The following PKHD1 variants were observed in gnomAD, a reference collection of about 807,000 sequenced individuals.
PKHD1 encodes fibrocystin.
In PKHD1, 291 loss-of-function variants were observed where a neutral mutation model predicts 412.0. The observed-to-expected ratio is 0.71, with a 90% CI of 0.64 to 0.78. The LOEUF is 0.78. PKHD1 is among the 30% of genes least tolerant of loss of function. The probability of loss-of-function intolerance (pLI) is 0.00; values close to 1 mark genes in which losing one functional copy is unlikely to be tolerated. For missense variants in PKHD1, 4,825 were observed against 4,950.7 expected (o/e 0.97, Z 0.76); for synonymous variants, 1,777 against 1,821.5 (o/e 0.98, Z 0.62).
chr6:52,038,389 A>C (rs1430608559), intron 27 of PKHD1, among the ~76,000 whole-genome samples: 1 of 151,628 alleles, frequency 6.6e-6, no homozygotes, highest in African/African-American at 2.4e-5. Flanking sequence ...AAAAAAAAAA[A>C]AGTTGGCAGG....
chr6:51,866,043 T>C (rs1035749638), intron 48 of PKHD1, among the ~76,000 whole-genome samples: 4 of 145,824 alleles, frequency 2.7e-5, no homozygotes, highest in Non-Finnish European at 4.5e-5. Context: ...AAAAAATCCC[T>C]GGTGCTGCTG....
chr6:51,989,059 G>A (rs975321380), intron 35 of PKHD1, among the ~76,000 whole-genome samples: 2 of 152,194 alleles, frequency 1.3e-5, no homozygotes, highest in African/African-American at 4.8e-5. Context: ...GCTTTTGGAA[G>A]CGATATCTTT....
intron 35 of PKHD1, among the ~76,000 whole-genome samples, chr6:51,989,914 AGG>A: frequency 1.0e-5 from 1 of 99,850 alleles, no homozygotes; most frequent in African/African-American, 3.9e-5. Flanking sequence ...GAAGGAAGGA[AGG>A]AAGGAAGGAA....
chr6:51,825,901 A>G (rs190595131), intron 52 of PKHD1, among the ~76,000 whole-genome samples: 1 of 152,064 alleles, frequency 6.6e-6, no homozygotes, highest in East Asian at 1.9e-4. Context: ...TGTCCCATCC[A>G]AAAGGTACAA....
chr6:51,859,864 C>T (rs1481776780), intron 48 of PKHD1, among the ~76,000 whole-genome samples: 2 of 152,166 alleles, frequency 1.3e-5, no homozygotes, highest in Non-Finnish European at 2.9e-5. Context: ...TTCTATTTGT[C>T]TTTGGAAACA....
At position 52,054,175 on chromosome 6, in the gene PKHD1, C is replaced by T. The variant is rs749163934; in HGVS notation, c.1837-10G>A. On this transcript the variant is annotated splice_polypyrimidine_tract_variant and intron_variant, in intron 19 of 66. Transcript: ENST00000371117. Reference sequence around the variant, plus strand: ...TGTATGCAAGACACAGCTATGGACACCAAATAAGTCCTTCAGTTCTATTAG... The same window carrying T: ...TGTATGCAAGACACAGCTATGGACATCAAATAAGTCCTTCAGTTCTATTAG... The T allele has an allele frequency of 3.5e-5, 56 of 1,613,208 alleles. No individual in the cohort carries two copies. The highest frequency in any genetic ancestry group is 1.6e-4 in the Middle Eastern group (1 of 6,084).
Position 52,028,387 on chromosome 6 carries a change from G to A in PKHD1, c.3365-36C>T, listed in dbSNP as rs78908641. The A allele has an allele frequency of 6.6e-4, 1,045 of 1,583,100 alleles. 10 individuals carry two copies. In the East Asian group the frequency reaches 0.018, roughly 28 times the overall value. ...AAGAATCCAATAGCCTCTGACATGT[G>A]GGGTTTGTGGGCTCAACCATCTATT... On this transcript the variant is annotated intron_variant, in intron 29 of 66. Coordinates refer to ENST00000371117, the MANE Select transcript of PKHD1 (RefSeq NM_138694.4).
chr6:51,646,191 G>A (rs1770059331), intron 63 of PKHD1, among the ~76,000 whole-genome samples: 1 of 152,156 alleles, frequency 6.6e-6, no homozygotes, highest in Non-Finnish European at 1.5e-5. Context: ...TCACCTCAAG[G>A]TGAAGCCCAG....
chr6:51,792,239 T>C (rs1793874344), intron 52 of PKHD1, among the ~76,000 whole-genome samples: 1 of 152,216 alleles, frequency 6.6e-6, no homozygotes, highest in African/African-American at 2.4e-5. Flanking sequence ...TGCCAAAGCA[T>C]TAAGTGTTAC....
chr6:51,865,747 T>C (rs1344025977), intron 48 of PKHD1, among the ~76,000 whole-genome samples: 1 of 152,222 alleles, frequency 6.6e-6, no homozygotes, highest in Non-Finnish European at 1.5e-5. Flanking sequence ...TTAGGGTGCT[T>C]GCCCCAGGGC....
chr6:51,981,240 T>A (rs1313819483), intron 35 of PKHD1, among the ~76,000 whole-genome samples: 1 of 111,700 alleles, frequency 9.0e-6, no homozygotes, highest in Non-Finnish European at 2.1e-5. Flanking sequence ...AAAACCTCTG[T>A]GCAACCCAAG....
At chr6:51,622,751 T>C (rs531060626) in intron 66 of PKHD1, 10 of 152,354 alleles carry the variant, frequency 6.6e-5, no homozygotes, top group African/African-American at 9.6e-5. Flanking sequence ...GAAATGGATA[T>C]GTTTTAGTAA....
At position 51,911,855 on chromosome 6, in the gene PKHD1, A is replaced by C; in HGVS notation, c.6434T>G (p.Leu2145Arg). The C allele has an allele frequency of 6.2e-7, 1 of 1,612,864 alleles. No homozygotes were observed. Among genetic ancestry groups the C allele is most frequent in the Non-Finnish European group, 8.5e-7 (1 of 1,179,102 alleles). The change falls in exon 39 of 67, where the codon CTC becomes CGC. Residue 2145 changes from leucine (L) to arginine (R), a missense_variant. Transcript: ENST00000371117. The stretch of plus-strand genomic sequence containing the variant: ...AAGCAGCTTCTCCCTCTCATTAGTG[A>C]GATTTCCTTGTATGGTAATACTCCT... ...LSRSITIQGNLTNEREKLLVS... is the reference protein window; with the variant it reads ...LSRSITIQGNRTNEREKLLVS...
Position 51,747,989 on chromosome 6 carries a change from G to C in PKHD1, c.9627C>G (p.Ser3209Arg). ...TGTCCTGAATGCAGTCAAAAGAAGAGCTGGTGGCCACAATGACTGAATTCC... is the reference window on the plus strand; with the variant it reads ...TGTCCTGAATGCAGTCAAAAGAAGACCTGGTGGCCACAATGACTGAATTCC... ...VLRNSVIVAT[S>R]SSFDCIQDKV... is the part of the protein sequence containing the mutation. The change falls in exon 58 of 67, where the codon AGC becomes AGG. Residue 3209 changes from serine to arginine, a missense_variant. By Grantham distance (110) the Ser-to-Arg change is moderately radical. Transcript: ENST00000371117. 6.2e-7 allele frequency: 1 copy of C among 1,614,086 alleles called. No individual in the cohort carries two copies.
At chr6:51,886,085 T>C (rs1037336276) in intron 44 of PKHD1, 113 bp from the exon 45 acceptor site, 9 of 751,202 alleles carry the variant, frequency 1.2e-5, no homozygotes, top group African/African-American at 5.2e-5. Flanking sequence ...TGAAGGTAGA[T>C]GGAATCTGTG....
At chr6:51,904,618 A>G (rs1007336576) in intron 41 of PKHD1, among the ~76,000 whole-genome samples, 1 of 152,178 alleles carries the variant, frequency 6.6e-6, no homozygotes, top group African/African-American at 2.4e-5. Context: ...CATACTTGTT[A>G]TGTGTGAGAT....
At chr6:51,673,052 T>C (rs1203471006) in intron 60 of PKHD1, among the ~76,000 whole-genome samples, 1 of 152,182 alleles carries the variant, frequency 6.6e-6, no homozygotes, top group East Asian at 1.9e-4. Context: ...TTGAAGATGA[T>C]ATGAACAATG....
At chr6:51,848,365 G>A (rs1402311381) in intron 49 of PKHD1, among the ~76,000 whole-genome samples, 2 of 152,206 alleles carry the variant, frequency 1.3e-5, no homozygotes, top group Non-Finnish European at 2.9e-5. Context: ...GACAGGCAAT[G>A]ATAGGCATGT....
At chr6:52,035,027 C>G (rs769940289) in intron 28 of PKHD1, among the ~76,000 whole-genome samples, 1 of 151,990 alleles carries the variant, frequency 6.6e-6, no homozygotes, top group Non-Finnish European at 1.5e-5. Context: ...CAGGGAAGGA[C>G]CCAGACTCAA....
Sources: gnomAD v4.1 joint callset for allele counts (sites outside exome capture counted in the v4.1 genomes callset) on GRCh38, gnomAD v4.1.1 for gene constraint, MANE v1.5 for transcripts, NCBI Gene and HGNC (gene_info 2026-07-23, HGNC 2026-07-21) for gene names.